BMP5: variants seen among roughly 807,000 people sequenced by gnomAD.
BMP5 encodes bone morphogenetic protein 5.
BMP5 carries 23 observed loss-of-function variants against 46.6 expected under a neutral mutation model. That is an observed-to-expected ratio of 0.49 (90% CI 0.35 to 0.70). The LOEUF is 0.70. BMP5 is among the 30% of genes least tolerant of loss of function. The probability of loss-of-function intolerance (pLI) is 0.00; values close to 1 mark genes in which losing one functional copy is unlikely to be tolerated. For synonymous variants in BMP5, 204 were observed against 191.9 expected, an observed-to-expected ratio of 1.06 and a Z score of -0.52; for missense variants, 545 against 565.6, an observed-to-expected ratio of 0.96 and a Z score of 0.37.
chr6:55,808,481 C>A (rs1253267378), intron 2 of BMP5, among the ~76,000 whole-genome samples: 1 of 152,168 alleles, frequency 6.6e-6, no homozygotes, highest in Non-Finnish European at 1.5e-5. Context: ...AGCAGTCAAC[C>A]ACAGCTGTGG....
intron 6 of BMP5, 31 bp downstream of exon 6, chr6:55,758,974 C>A (rs1348964967): frequency 1.4e-6 from 2 of 1,421,656 alleles, no homozygotes; most frequent in Middle Eastern, 1.7e-4. Flanking sequence ...GCATTCTAAG[C>A]TTTTCTTAAT....
chr6:55,865,743 A>T (rs1777626974), intron 1 of BMP5, among the ~76,000 whole-genome samples: 1 of 152,342 alleles, frequency 6.6e-6, no homozygotes, highest in African/African-American at 2.4e-5. Context: ...TTGTAATAGC[A>T]GTTGAGACCA....
intron 2 of BMP5, among the ~76,000 whole-genome samples, chr6:55,818,356 T>C (rs2127538024): frequency 6.6e-6 from 1 of 152,238 alleles, no homozygotes; most frequent in Non-Finnish European, 1.5e-5. Flanking sequence ...TTCTATTTCC[T>C]TACAAAGTTT....
chr6:55,856,423 A>AT (rs1777399000), intron 1 of BMP5, among the ~76,000 whole-genome samples: 1 of 152,194 alleles, frequency 6.6e-6, no homozygotes. Flanking sequence ...AATGGCAAGC[A>AT]TAAGTTTAAT....
At chr6:55,868,020 A>C (rs1777692049) in intron 1 of BMP5, among the ~76,000 whole-genome samples, 1 of 152,194 alleles carries the variant, frequency 6.6e-6, no homozygotes, top group African/African-American at 2.4e-5. Flanking sequence ...TGAACTGAAG[A>C]TTCTGGAGAT....
chr6:55,794,915 T>C (rs1775668686), intron 2 of BMP5, among the ~76,000 whole-genome samples: 1 of 152,100 alleles, frequency 6.6e-6, no homozygotes, highest in African/African-American at 2.4e-5. Flanking sequence ...TATATAATTA[T>C]TTTATGGATA....
intron 1 of BMP5, among the ~76,000 whole-genome samples, chr6:55,833,627 GAAAGAATGAA>G (rs1336800669): frequency 2.6e-5 from 4 of 152,170 alleles, no homozygotes; most frequent in African/African-American, 4.8e-5. Context: ...GAATGCATCT[GAAAGAATGAA>G]GGGCTAAAAA....
At chr6:55,772,766 A>G (rs959233987) in intron 4 of BMP5, 2 of 985,046 alleles carry the variant, frequency 2.0e-6, no homozygotes, top group African/African-American at 3.5e-5. Flanking sequence ...GCAGCATTTA[A>G]TTCAGTATAA....
intron 2 of BMP5, among the ~76,000 whole-genome samples, chr6:55,811,985 T>C (rs1427918264): frequency 6.6e-6 from 1 of 152,192 alleles, no homozygotes; most frequent in African/African-American, 2.4e-5. Context: ...TCTGAGGCCC[T>C]ATTTACTCGG....
At chr6:55,759,142 CACAAAAAAAAAAAAAAAAA>C in intron 5 of BMP5, 27 bp from the exon 6 acceptor site, 11 of 119,554 alleles carry the variant, frequency 9.2e-5, no homozygotes, top group Middle Eastern at 8.8e-4. Context: ...CACACACACA[CACAAAAAAAAAAAAAAAAA>C]AAAAAAAAAA....
At chr6:55,834,503 C>A (rs1272921464) in intron 1 of BMP5, among the ~76,000 whole-genome samples, 3 of 152,018 alleles carry the variant, frequency 2.0e-5, no homozygotes, top group African/African-American at 7.3e-5. Flanking sequence ...GGGAACCTTG[C>A]ACTCAGCTGC....
intron 3 of BMP5, among the ~76,000 whole-genome samples, chr6:55,781,021 C>T (rs1445559417): frequency 2.6e-5 from 4 of 152,022 alleles, no homozygotes; most frequent in African/African-American, 4.8e-5. Context: ...TATTTTCAGC[C>T]GCTAGAAATA....
At chr6:55,835,242 C>A (rs528232507) in intron 1 of BMP5, among the ~76,000 whole-genome samples, 1 of 152,040 alleles carries the variant, frequency 6.6e-6, no homozygotes, top group Admixed American at 6.6e-5. Context: ...GAACCAAGAC[C>A]CTGTCCCCAA....
At chr6:55,864,754 T>C (rs926638733) in intron 1 of BMP5, among the ~76,000 whole-genome samples, 51 of 152,318 alleles carry the variant, frequency 3.3e-4, no homozygotes, top group African/African-American at 1.1e-3. Flanking sequence ...GATTTTACAA[T>C]GTGCATCCTG....
chr6:55,867,208 AT>A (rs1777664485), intron 1 of BMP5, among the ~76,000 whole-genome samples: 2 of 151,972 alleles, frequency 1.3e-5, no homozygotes, highest in Admixed American at 1.3e-4. Context: ...TGGTATCTGT[AT>A]CCCCCCCGCT....
At chr6:55,873,384 A>G (rs73744942) in intron 1 of BMP5, among the ~76,000 whole-genome samples, 1,897 of 152,070 alleles carry the variant, frequency 0.012, 43 homozygotes, top group African/African-American at 0.042. Context: ...AGAGTTTTTA[A>G]TCTTCAAACA....
At chr6:55,809,288 G>C (rs892031313) in intron 2 of BMP5, among the ~76,000 whole-genome samples, 6 of 152,080 alleles carry the variant, frequency 3.9e-5, no homozygotes, top group African/African-American at 1.2e-4. Context: ...TGAGTTGTAT[G>C]CATTATTCTT....
At chr6:55,867,874 G>A (rs958019207) in intron 1 of BMP5, among the ~76,000 whole-genome samples, 2 of 152,152 alleles carry the variant, frequency 1.3e-5, no homozygotes, top group African/African-American at 2.4e-5. Flanking sequence ...GCTAGTAAGC[G>A]TGGAATATGG....
chr6:55,784,188 T>G (rs1582062101), intron 3 of BMP5, among the ~76,000 whole-genome samples: 2 of 152,002 alleles, frequency 1.3e-5, no homozygotes, highest in East Asian at 3.9e-4. Context: ...CCCTTACATA[T>G]GTTACCTGCT....
Sources: allele counts gnomAD v4.1 joint callset (sites outside exome capture counted in the v4.1 genomes callset), GRCh38; gene constraint gnomAD v4.1.1; transcripts MANE v1.5; gene names NCBI Gene and HGNC (gene_info 2026-07-23, HGNC 2026-07-21).